Variants in TMEM117 observed in about 807,000 individuals in gnomAD.
TMEM117 encodes transmembrane protein 117.
A neutral mutation model predicts 52.4 loss-of-function variants in TMEM117; 27 were observed. The observed-to-expected ratio is 0.51, with a 90% CI of 0.38 to 0.71. The LOEUF (loss-of-function observed/expected upper bound fraction) is 0.71, where lower values mean the gene tolerates loss of function less well. TMEM117 is among the 30% of genes least tolerant of loss of function. TMEM117 has a pLI of 0.00. For missense variants in TMEM117, 556 were observed against 630.5 expected, an observed-to-expected ratio of 0.88 and a Z score of 1.26; for synonymous variants, 215 against 206.3, an observed-to-expected ratio of 1.04 and a Z score of -0.36.
intron 6 of TMEM117, among the ~76,000 whole-genome samples, chr12:44,371,235 A>T (rs1401708459): frequency 6.6e-6 from 1 of 152,198 alleles, no homozygotes; most frequent in Non-Finnish European, 1.5e-5. Flanking sequence ...TTTTTGGTAG[A>T]ATGATGTTAT....
intron 4 of TMEM117, among the ~76,000 whole-genome samples, chr12:44,147,258 G>A (rs542797564): frequency 2.0e-5 from 3 of 152,214 alleles, no homozygotes; most frequent in East Asian, 1.9e-4. Context: ...GGTGTCTCAC[G>A]AGACACCATT....
At chr12:44,298,124 T>C (rs1042941806) in intron 5 of TMEM117, among the ~76,000 whole-genome samples, 10 of 148,392 alleles carry the variant, frequency 6.7e-5, no homozygotes, top group Admixed American at 2.0e-4. Context: ...TTTATATCCA[T>C]TATATTAAAG....
intron 2 of TMEM117, among the ~76,000 whole-genome samples, chr12:43,913,531 GCTAT>G (rs1944550957): frequency 6.6e-6 from 1 of 152,140 alleles, no homozygotes; most frequent in Non-Finnish European, 1.5e-5. Flanking sequence ...GAGGGCTGGG[GCTAT>G]CTGAGTGACA....
intron 5 of TMEM117, among the ~76,000 whole-genome samples, chr12:44,273,061 G>A (rs1352699958): frequency 6.6e-6 from 1 of 152,118 alleles, no homozygotes; most frequent in East Asian, 1.9e-4. Context: ...ATGAGTTCAT[G>A]TCCTTTGTAG....
chr12:44,251,599 TA>T (rs999502728), intron 5 of TMEM117, among the ~76,000 whole-genome samples: 2 of 152,120 alleles, frequency 1.3e-5, no homozygotes, highest in African/African-American at 4.8e-5. Flanking sequence ...AAGATGGATT[TA>T]AAAAAAGTAT....
At chr12:44,013,070 T>A (rs1946320264) in intron 3 of TMEM117, among the ~76,000 whole-genome samples, 1 of 151,274 alleles carries the variant, frequency 6.6e-6, no homozygotes. Flanking sequence ...TCACCCAAGC[T>A]CATGTCCAGT....
intron 2 of TMEM117, among the ~76,000 whole-genome samples, chr12:43,847,203 C>A (rs1194961669): frequency 1.3e-5 from 2 of 152,090 alleles, no homozygotes; most frequent in Non-Finnish European, 2.9e-5. Context: ...TGAAAGATAG[C>A]ATCTCTGAAG....
intron 3 of TMEM117, among the ~76,000 whole-genome samples, chr12:44,093,331 T>G (rs1290103524): frequency 6.6e-6 from 1 of 152,186 alleles, no homozygotes; most frequent in Non-Finnish European, 1.5e-5. Context: ...TGATACTGTT[T>G]TCATCAATCC....
At chr12:44,142,842 C>A (rs1198892944) in intron 3 of TMEM117, among the ~76,000 whole-genome samples, 2 of 151,942 alleles carry the variant, frequency 1.3e-5, no homozygotes, top group African/African-American at 2.4e-5. Flanking sequence ...TTAGTGTTTT[C>A]TTGAATATTA....
chr12:44,202,341 C>T lies in TMEM117; in HGVS notation c.511-8949C>T, dbSNP rs753819241. 6.9e-4 allele frequency among the ~76,000 whole-genome samples: 105 copies of T among 152,142 alleles called. 1 individual carries two copies. The highest frequency in any genetic ancestry group is 2.4e-3 in the African/African-American group (101 of 41,528). On this transcript the variant is annotated intron_variant, in intron 4 of 7. Transcript: ENST00000266534. ...TGATGCCTAGTTTGTTTATTTTTAA[C>T]GTGAAGCCATGTTGAATTTTATCAA...
chr12:43,818,459 G>A, the TMEM117 span, among the ~76,000 whole-genome samples: 1 of 117,104 alleles, frequency 8.5e-6, no homozygotes, highest in Non-Finnish European at 1.7e-5. Context: ...TATTTTTTTT[G>A]AGATGGAATC....
At chr12:44,012,156 AT>A (rs1357439298) in intron 3 of TMEM117, among the ~76,000 whole-genome samples, 16 of 152,142 alleles carry the variant, frequency 1.1e-4, no homozygotes, top group Admixed American at 6.5e-4. Context: ...AGTTGGATAT[AT>A]TTCTTATCTT....
intron 6 of TMEM117, among the ~76,000 whole-genome samples, chr12:44,340,256 G>GT: frequency 6.6e-6 from 1 of 152,042 alleles, no homozygotes; most frequent in Non-Finnish European, 1.5e-5. Context: ...ATGCATGAAG[G>GT]TAAAAAGTGA....
intron 2 of TMEM117, among the ~76,000 whole-genome samples, chr12:43,884,571 G>C (rs1357538498): frequency 6.6e-6 from 1 of 152,094 alleles, no homozygotes; most frequent in Admixed American, 6.6e-5. Context: ...GGCTTTTCTT[G>C]GTAGGGAAGG....
intron 7 of TMEM117, among the ~76,000 whole-genome samples, chr12:44,386,081 G>A (rs1404807838): frequency 6.6e-6 from 1 of 152,002 alleles, no homozygotes; most frequent in Non-Finnish European, 1.5e-5. Flanking sequence ...GTATCCTTCA[G>A]TTTTTTTCCA....
Position 44,103,896 on chromosome 12 carries a change from T to A in TMEM117, c.411-39629T>A, listed in dbSNP as rs527413939. 3.7e-4 allele frequency among the ~76,000 whole-genome samples: 56 copies of A among 152,068 alleles called. 1 individual carries two copies. Among genetic ancestry groups the A allele is most frequent in the Non-Finnish European group, 6.5e-4 (44 of 67,974 alleles). ...AAACATATAGATAATTGAATTTTGT[T>A]CCTGTTTTTTTTCTCACTAACTTTC... On this transcript the variant is annotated intron_variant, in intron 3 of 7. Coordinates refer to ENST00000266534, the MANE Select transcript of TMEM117 (RefSeq NM_032256.3).
intron 3 of TMEM117, among the ~76,000 whole-genome samples, chr12:44,106,871 TGTA>T (rs1290165632): frequency 6.6e-6 from 1 of 152,044 alleles, no homozygotes; most frequent in African/African-American, 2.4e-5. Context: ...TTCATGGAAA[TGTA>T]TACATATATT....
intron 2 of TMEM117, among the ~76,000 whole-genome samples, chr12:43,872,685 A>G (rs954145289): frequency 1.3e-5 from 2 of 152,218 alleles, no homozygotes; most frequent in African/African-American, 4.8e-5. Flanking sequence ...GAATCTTTCC[A>G]TCTTCCAGTT....
At chr12:43,901,501 G>A (rs1413446739) in intron 2 of TMEM117, among the ~76,000 whole-genome samples, 1 of 151,984 alleles carries the variant, frequency 6.6e-6, no homozygotes, top group African/African-American at 2.4e-5. Flanking sequence ...AGTAAGAGAC[G>A]GGGTTTCACT....
Sources: gnomAD v4.1 joint callset for allele counts (sites outside exome capture counted in the v4.1 genomes callset) on GRCh38, gnomAD v4.1.1 for gene constraint, MANE v1.5 for transcripts, NCBI Gene and HGNC (gene_info 2026-07-23, HGNC 2026-07-21) for gene names.